The following RANBP2 variants were observed in gnomAD, a reference collection of about 807,000 sequenced individuals.
RANBP2 encodes the protein E3 SUMO-protein ligase RanBP2.
Under a neutral mutation model 303.6 loss-of-function variants are expected in RANBP2, and 57 were observed. The observed-to-expected ratio is 0.19, with a 90% CI of 0.15 to 0.23. The LOEUF (loss-of-function observed/expected upper bound fraction) is 0.23. Ranked by LOEUF, RANBP2 falls within the 10% of genes least tolerant of loss-of-function variation. The pLI, the probability that RANBP2 is intolerant of heterozygous loss-of-function variation, is 1.00. For missense variants in RANBP2, 3,138 were observed against 3,780.8 expected, an observed-to-expected ratio of 0.83 and a Z score of 4.46; for synonymous variants, 1,167 against 1,301.5, an observed-to-expected ratio of 0.90 and a Z score of 2.23.
chr2:108,868,298 A>G, the RANBP2 span, among the ~76,000 whole-genome samples: 2 of 152,108 alleles, frequency 1.3e-5, no homozygotes, highest in Non-Finnish European at 2.9e-5. Context: ...CTTTTTCCTT[A>G]TTACTGAAAG....
the RANBP2 span, among the ~76,000 whole-genome samples, chr2:109,444,772 G>A: frequency 1.6e-4 from 24 of 152,168 alleles, no homozygotes; most frequent in African/African-American, 5.6e-4. Flanking sequence ...AGCTCAGGGT[G>A]AGCTGGCACA....
chr2:109,597,805 C>A, the RANBP2 span, among the ~76,000 whole-genome samples: 4 of 152,282 alleles, frequency 2.6e-5, no homozygotes, highest in South Asian at 4.1e-4. Context: ...TGGTGCTGCA[C>A]CTTTTTTAAA....
chr2:109,681,152 G>A, the RANBP2 span, among the ~76,000 whole-genome samples: 150 of 152,348 alleles, frequency 9.8e-4, no homozygotes, highest in Non-Finnish European at 1.5e-3. Context: ...ACACGGTTAG[G>A]TGGGAGGAGA....
the RANBP2 span, among the ~76,000 whole-genome samples, chr2:108,980,963 C>T: frequency 1.9e-5 from 2 of 106,094 alleles, no homozygotes; most frequent in East Asian, 2.0e-4. Context: ...AGACAGGGAC[C>T]TCTGACGGAC....
rs1470333276 is a variant in RANBP2 at position 108,773,034 on chromosome 2, T to C, written c.8280T>C (p.Val2760=). ...ACTTTCAATCAGAGCTTCAAAAAGT[T>C]CAGGAAGCTCAAGTAAGAACATCTC... is the stretch of plus-strand genomic sequence containing the variant. ...GEDFQSELQK[V]QEAQKSQTEE... Residue 2760 remains valine (V), a synonymous_variant, in exon 23 of 29, where the codon GTT becomes GTC. Transcript: ENST00000283195. The C allele has an allele frequency of 1.9e-6, 3 of 1,611,466 alleles. No individual in the cohort carries two copies. Among genetic ancestry groups the C allele is most frequent in the Admixed American group, 3.3e-5 (2 of 59,838 alleles).
the RANBP2 span, among the ~76,000 whole-genome samples, chr2:109,533,831 G>A: frequency 6.2e-4 from 94 of 152,286 alleles, no homozygotes; most frequent in African/African-American, 2.3e-3. Context: ...AACTCCCACA[G>A]TTCAAATTTA....
At chr2:108,760,755 A>G (rs553741868) in intron 18 of RANBP2, among the ~76,000 whole-genome samples, 1 of 152,298 alleles carries the variant, frequency 6.6e-6, no homozygotes, top group East Asian at 1.9e-4. Flanking sequence ...AACTCACACA[A>G]AACAGATGGA....
At chr2:108,772,391 A>G (rs530023234) in intron 21 of RANBP2, 98 bp from the exon 22 acceptor site, 2 of 898,024 alleles carry the variant, frequency 2.2e-6, no homozygotes, top group East Asian at 5.1e-5. Context: ...TGCAATTCAG[A>G]TGTGGAGAGT....
At chr2:109,060,106 T>C in the RANBP2 span, among the ~76,000 whole-genome samples, 1 of 152,120 alleles carries the variant, frequency 6.6e-6, no homozygotes, top group Non-Finnish European at 1.5e-5. Flanking sequence ...CTTAGGATAC[T>C]TTGCAGTTAC....
the RANBP2 span, chr2:108,910,324 G>C: frequency 1.4e-6 from 1 of 709,558 alleles, no homozygotes; most frequent in East Asian, 2.7e-5. Flanking sequence ...AGAGGTGGTG[G>C]GGACTGTCTG....
At chr2:109,221,173 A>G in the RANBP2 span, among the ~76,000 whole-genome samples, 4 of 152,242 alleles carry the variant, frequency 2.6e-5, no homozygotes, top group African/African-American at 7.2e-5. Context: ...CAGAGGAACC[A>G]TGGACCTGGA....
At chr2:108,989,713 C>CATA in the RANBP2 span, among the ~76,000 whole-genome samples, 1 of 152,302 alleles carries the variant, frequency 6.6e-6, no homozygotes, top group East Asian at 1.9e-4. Flanking sequence ...ACCATACACA[C>CATA]CCCCCGTATA....
the RANBP2 span, among the ~76,000 whole-genome samples, chr2:108,950,958 T>C: frequency 1.3e-5 from 2 of 152,186 alleles, no homozygotes; most frequent in Non-Finnish European, 2.9e-5. Flanking sequence ...CAGCTGCCAG[T>C]TGGGGGACTC....
the RANBP2 span, chr2:108,856,708 G>A: frequency 8.0e-7 from 1 of 1,254,104 alleles, no homozygotes; most frequent in Non-Finnish European, 1.1e-6. Context: ...GTTTGTTAAA[G>A]TAACGACATT....
chr2:109,343,219 C>T, the RANBP2 span, among the ~76,000 whole-genome samples: 7 of 152,178 alleles, frequency 4.6e-5, no homozygotes, highest in African/African-American at 1.7e-4. Flanking sequence ...CTTCCATGGA[C>T]TAATTAGTTA....
intron 25 of RANBP2, among the ~76,000 whole-genome samples, chr2:108,779,799 T>G (rs1363923062): frequency 6.6e-6 from 1 of 152,090 alleles, no homozygotes; most frequent in Non-Finnish European, 1.5e-5. Context: ...TGCTTAACAA[T>G]CTAATACCCT....
At chr2:109,517,533 G>C in the RANBP2 span, among the ~76,000 whole-genome samples, 3 of 152,338 alleles carry the variant, frequency 2.0e-5, no homozygotes, top group East Asian at 5.8e-4. Context: ...CCCTGTGCAG[G>C]GAACAGCATT....
chr2:109,384,594 G>A, the RANBP2 span, among the ~76,000 whole-genome samples: 4 of 152,178 alleles, frequency 2.6e-5, no homozygotes, highest in African/African-American at 9.6e-5. Flanking sequence ...TTTGGGTCTG[G>A]GGTCTCTCTT....
At chr2:108,901,499 A>G in the RANBP2 span, among the ~76,000 whole-genome samples, 1 of 152,226 alleles carries the variant, frequency 6.6e-6, no homozygotes, top group Non-Finnish European at 1.5e-5. Flanking sequence ...TGAAATTGAA[A>G]ACTATAAAGT....
Sources: gnomAD v4.1 joint callset for allele counts (sites outside exome capture counted in the v4.1 genomes callset) on GRCh38, gnomAD v4.1.1 for gene constraint, MANE v1.5 for transcripts, NCBI Gene and HGNC (gene_info 2026-07-23, HGNC 2026-07-21) for gene names.